Variants in TNS4 observed in about 807,000 individuals in gnomAD.
TNS4 encodes tensin-4.
TNS4 carries 46 observed loss-of-function variants against 70.4 expected under a neutral mutation model. That is an observed-to-expected ratio of 0.65 (90% CI 0.52 to 0.84). TNS4 has a LOEUF of 0.84. Among genes scored for constraint, TNS4 ranks in the 40% least tolerant of loss-of-function variants. The probability of loss-of-function intolerance (pLI) is 0.00; values close to 1 mark genes in which losing one functional copy is unlikely to be tolerated. For synonymous variants in TNS4, 390 were observed against 366.6 expected (o/e 1.06, Z -0.73); for missense variants, 863 against 907.0 (o/e 0.95, Z 0.62).
chr17:40,478,987 A>G (rs1385953043), intron 10 of TNS4, among the ~76,000 whole-genome samples: 3 of 152,074 alleles, frequency 2.0e-5, no homozygotes, highest in African/African-American at 7.2e-5. Context: ...TCAGCCCTGG[A>G]TCAGGCTCCT....
Position 40,482,392 on chromosome 17 carries a change from C to A in TNS4, c.1526G>T (p.Arg509Leu). 1 of 1,614,046 alleles carries A rather than the reference C, an allele frequency of 6.2e-7. No individual in the cohort carries two copies. Among genetic ancestry groups the A allele is most frequent in the Non-Finnish European group, 8.5e-7 (1 of 1,180,020 alleles). Residue 509 changes from arginine (R) to leucine (L), a missense_variant, in exon 7 of 13, where the codon CGA (arginine) becomes CTA (leucine). Transcript: ENST00000254051. ...RPGEDSNDLI[R>L]HFLIESSAKG... Reference sequence around the variant, plus strand: ...GGCAGACGACTCGATGAGGAAGTGTCGGATGAGGTCATTGCTGTCCTCACC... The same window carrying A: ...GGCAGACGACTCGATGAGGAAGTGTAGGATGAGGTCATTGCTGTCCTCACC...
chr17:40,501,276 G>A (rs138733675), intron 1 of TNS4, among the ~76,000 whole-genome samples: 4,327 of 152,070 alleles, frequency 0.028, 77 homozygotes, highest in South Asian at 0.05. Context: ...GTGAAACCGC[G>A]TCTCTACTAA....
At chr17:40,489,111 A>C in intron 2 of TNS4, 142 bp from the exon 3 acceptor site, 5 of 717,436 alleles carry the variant, frequency 7.0e-6, no homozygotes, top group African/African-American at 1.8e-5. Flanking sequence ...GGAGAGCCCA[A>C]CTCCACCTTC....
Position 40,477,507 on chromosome 17 carries a change from G to C in TNS4, c.*81C>G, listed in dbSNP as rs2035862918. 6.4e-7 allele frequency: 1 copy of C among 1,563,374 alleles called. No homozygotes were observed. The highest frequency in any genetic ancestry group is 8.7e-7 in the Non-Finnish European group (1 of 1,147,194). On this transcript the variant is annotated 3_prime_UTR_variant, in exon 13 of 13. Transcript: ENST00000254051. ...GATTGGTCTGTCAATATGGCCACAA[G>C]CCACACCCATTCAGGGGGTGGAGGG... is the stretch of plus-strand genomic sequence containing the variant.
chr17:40,482,606 A>ACG (rs1477579822), intron 6 of TNS4, among the ~76,000 whole-genome samples, 190 bp from the exon 7 acceptor site: 2 of 151,578 alleles, frequency 1.3e-5, no homozygotes, highest in African/African-American at 4.8e-5. Flanking sequence ...ACACACACAC[A>ACG]CACACACACA....
chr17:40,497,766 T>C (rs1389714029), intron 1 of TNS4, among the ~76,000 whole-genome samples: 1 of 152,106 alleles, frequency 6.6e-6, no homozygotes, highest in Non-Finnish European at 1.5e-5. Flanking sequence ...CCAGATCCCG[T>C]AGGGCCTTGC....
intron 10 of TNS4, among the ~76,000 whole-genome samples, chr17:40,479,380 C>T (rs2035891566): frequency 6.6e-6 from 1 of 152,212 alleles, no homozygotes; most frequent in African/African-American, 2.4e-5. Flanking sequence ...CTCCTGACCT[C>T]AGGTGATCCG....
At chr17:40,492,375 C>CT (rs554257226) in intron 2 of TNS4, among the ~76,000 whole-genome samples, 61,945 of 148,144 alleles carry the variant, frequency 0.42, 14,348 homozygotes, top group African/African-American at 0.64. Context: ...TACATGGAGT[C>CT]TTTTTTTTTT....
chr17:40,478,424 C>T, intron 11 of TNS4, 91 bp from the exon 12 acceptor site: 2 of 1,557,218 alleles, frequency 1.3e-6, no homozygotes, highest in Non-Finnish European at 1.7e-6. Flanking sequence ...GCTGCGTCCC[C>T]ACCCCACCAT....
In TNS4 at chr17:40,496,444, T is replaced by G. The variant is rs932972119; in HGVS notation, c.-19A>C. 2.5e-6 allele frequency: 4 copies of G among 1,604,234 alleles called. No individual in the cohort carries two copies. In the East Asian group the frequency reaches 8.9e-5, roughly 36 times the overall value. On this transcript the variant is annotated 5_prime_UTR_variant, in exon 2 of 13. Transcript: ENST00000254051. ...GGGACATGGTGGGGGTGGTGACCTC[T>G]GCAGTTTACCTCTGGTCTTCAACCA... is the stretch of plus-strand genomic sequence containing the variant.
intron 2 of TNS4, among the ~76,000 whole-genome samples, chr17:40,494,275 T>G (rs2036111988): frequency 6.6e-6 from 1 of 152,268 alleles, no homozygotes; most frequent in Admixed American, 6.5e-5. Flanking sequence ...CATAACACCC[T>G]TTGAGGTAAG....
chr17:40,478,396 G>T, intron 11 of TNS4, 63 bp from the exon 12 acceptor site: 7 of 1,593,562 alleles, frequency 4.4e-6, no homozygotes, highest in Non-Finnish European at 6.0e-6. Context: ...GACCCTGGAG[G>T]AGCAGCAGGA....
Position 40,482,139 on chromosome 17 carries a change from G to A in TNS4, c.1662C>T (p.Ile554=). 6.2e-7 allele frequency: 1 copy of A among 1,614,180 alleles called. No individual in the cohort carries two copies. The highest frequency in any genetic ancestry group is 1.1e-5 in the South Asian group (1 of 91,082). The change falls in exon 8 of 13, where the codon ATC becomes ATT. Residue 554 remains isoleucine (I), a synonymous_variant. Coordinates refer to ENST00000254051, the MANE Select transcript of TNS4 (RefSeq NM_032865.6). The stretch of plus-strand genomic sequence containing the variant: ...GGGGCCCAGACCCACCTCTCTGTGG[G>A]ATGGTGAGTTTGCAGGGCAGGGCCA... ...MALALPCKLT[I]PQRELGGADG...
intron 3 of TNS4, among the ~76,000 whole-genome samples, chr17:40,487,913 T>A: frequency 6.6e-6 from 1 of 152,254 alleles, no homozygotes; most frequent in Non-Finnish European, 1.5e-5. Flanking sequence ...CCAGCCAGAC[T>A]TCTTCCTGAG....
chr17:40,493,261 G>A (rs568633884), intron 2 of TNS4, among the ~76,000 whole-genome samples: 64 of 152,336 alleles, frequency 4.2e-4, no homozygotes, highest in African/African-American at 1.4e-3. Flanking sequence ...AAAAGGAAAA[G>A]TAAACATCTC....
Position 40,480,624 on chromosome 17 carries a change from G to A in TNS4, c.1741+76C>T, listed in dbSNP as rs760376548. On this transcript the variant is annotated intron_variant, in intron 9 of 12. Transcript: ENST00000254051. The stretch of plus-strand genomic sequence containing the variant: ...TGCCTGTGCGTGTGTGCGTGCATGC[G>A]TGCGTGTGTGCAGGGTTGGGAGGTG... 2.4e-5 allele frequency: 32 copies of A among 1,358,806 alleles called. 1 individual carries two copies. In the South Asian group the frequency reaches 3.0e-4, roughly 13 times the overall value. 84.2% of individuals were successfully genotyped at this position (1,358,806 alleles called of 1,614,324 possible). A position where few individuals can be genotyped will look rare whatever the true frequency, so the allele number is the denominator to read the frequency against.
intron 2 of TNS4, among the ~76,000 whole-genome samples, chr17:40,489,373 C>T (rs1035990197): frequency 6.6e-6 from 1 of 152,204 alleles, no homozygotes; most frequent in African/African-American, 2.4e-5. Context: ...CAGCACAGCA[C>T]TGTTCCCGGC....
chr17:40,500,605 C>T (rs2036200203), intron 1 of TNS4, among the ~76,000 whole-genome samples: 1 of 152,116 alleles, frequency 6.6e-6, no homozygotes, highest in Non-Finnish European at 1.5e-5. Context: ...AGTCCTGGTG[C>T]CTTGGCAAAT....
At chr17:40,490,935 C>T (rs986275904) in intron 2 of TNS4, among the ~76,000 whole-genome samples, 1 of 152,182 alleles carries the variant, frequency 6.6e-6, no homozygotes, top group African/African-American at 2.4e-5. Flanking sequence ...GCATTTCCTA[C>T]CTGCCTGCTT....
Sources: allele counts gnomAD v4.1 joint callset (sites outside exome capture counted in the v4.1 genomes callset), GRCh38; gene constraint gnomAD v4.1.1; transcripts MANE v1.5; gene names NCBI Gene and HGNC (gene_info 2026-07-23, HGNC 2026-07-21).